Variants in LRP1B observed in about 807,000 individuals in gnomAD.
LRP1B encodes the protein low-density lipoprotein receptor-related protein 1B.
LRP1B carries 217 observed loss-of-function variants against 556.6 expected under a neutral mutation model. The ratio of observed to expected loss-of-function variants is 0.39; its 90% CI spans 0.35 to 0.44. The LOEUF is 0.44. Among genes scored for constraint, LRP1B ranks in the 20% least tolerant of loss-of-function variants. The pLI is 1.00. For missense variants in LRP1B, 5,053 were observed against 5,620.8 expected (o/e 0.90, Z 3.23); for synonymous variants, 2,047 against 1,865.8 (o/e 1.10, Z -2.50).
chr2:142,000,524 A>C (rs1702622888), intron 1 of LRP1B, among the ~76,000 whole-genome samples: 1 of 152,218 alleles, frequency 6.6e-6, no homozygotes, highest in Non-Finnish European at 1.5e-5. Flanking sequence ...TGAAATCAGC[A>C]TACTAAGAAT....
intron 3 of LRP1B, among the ~76,000 whole-genome samples, chr2:141,410,459 T>A (rs1690811221): frequency 6.6e-6 from 1 of 152,024 alleles, no homozygotes; most frequent in South Asian, 2.1e-4. Flanking sequence ...ATCAACAAAT[T>A]GAATAAAATA....
intron 17 of LRP1B, among the ~76,000 whole-genome samples, chr2:140,987,655 A>G (rs1696964930): frequency 6.6e-6 from 1 of 152,102 alleles, no homozygotes. Context: ...AGGATGTTAT[A>G]AAGCATAATC....
intron 3 of LRP1B, among the ~76,000 whole-genome samples, chr2:141,367,583 C>T (rs1689089992): frequency 6.8e-6 from 1 of 146,038 alleles, no homozygotes; most frequent in African/African-American, 2.5e-5. Flanking sequence ...CCCCAGTTCT[C>T]ACCATTCTCC....
chr2:142,126,533 T>C (rs1440958230), intron 1 of LRP1B, among the ~76,000 whole-genome samples: 1 of 151,882 alleles, frequency 6.6e-6, no homozygotes, highest in Admixed American at 6.6e-5. Context: ...CACAGGCATG[T>C]TTAACTTTTA....
intron 86 of LRP1B, among the ~76,000 whole-genome samples, chr2:140,247,616 A>T (rs1350945250): frequency 6.6e-6 from 1 of 151,590 alleles, no homozygotes; most frequent in Non-Finnish European, 1.5e-5. Context: ...TCTGTCTTAT[A>T]GTTCAAGCTG....
intron 3 of LRP1B, among the ~76,000 whole-genome samples, chr2:141,267,659 A>G (rs300399): frequency 0.17 from 25,760 of 152,158 alleles, 2,338 homozygotes; most frequent in South Asian, 0.28. Context: ...GCGTGAGGAA[A>G]AAATGCAACC....
intron 6 of LRP1B, among the ~76,000 whole-genome samples, chr2:141,212,789 GA>G (rs925990740): frequency 6.6e-6 from 1 of 152,072 alleles, no homozygotes; most frequent in African/African-American, 2.4e-5. Flanking sequence ...TGTAGTACAG[GA>G]AGTCATCATT....
chr2:142,090,349 G>A (rs1335309730), intron 1 of LRP1B, among the ~76,000 whole-genome samples: 1 of 152,012 alleles, frequency 6.6e-6, no homozygotes, highest in African/African-American at 2.4e-5. Context: ...TAACAACCTT[G>A]TAATTTAGCT....
At chr2:140,575,529 C>T (rs1558978005) in intron 43 of LRP1B, among the ~76,000 whole-genome samples, 1 of 152,020 alleles carries the variant, frequency 6.6e-6, no homozygotes, top group Non-Finnish European at 1.5e-5. Context: ...ACTTTTAGTT[C>T]TACATATTTC....
At chr2:140,297,675 T>G (rs1683663307) in intron 84 of LRP1B, 133 bp downstream of exon 84, 1 of 925,894 alleles carries the variant, frequency 1.1e-6, no homozygotes. Context: ...GGGTAAATAA[T>G]TGTTGGAGTG....
intron 15 of LRP1B, among the ~76,000 whole-genome samples, chr2:140,998,396 G>T (rs1573965718): frequency 2.0e-5 from 3 of 152,056 alleles, no homozygotes; most frequent in African/African-American, 7.2e-5. Flanking sequence ...TACTTTTTGG[G>T]ATTGTTCATG....
At chr2:141,351,496 C>T (rs1341126741) in intron 3 of LRP1B, among the ~76,000 whole-genome samples, 1 of 152,000 alleles carries the variant, frequency 6.6e-6, no homozygotes, top group Admixed American at 6.6e-5. Context: ...CCTCCCCAAA[C>T]CTTAATTCAG....
intron 1 of LRP1B, among the ~76,000 whole-genome samples, chr2:142,016,179 C>T (rs887902609): frequency 6.6e-6 from 1 of 151,962 alleles, no homozygotes; most frequent in African/African-American, 2.4e-5. Context: ...AGTCAGGAAA[C>T]AGATGCTGGA....
chr2:141,075,682 G>A (rs1699768780), intron 7 of LRP1B, among the ~76,000 whole-genome samples: 1 of 152,138 alleles, frequency 6.6e-6, no homozygotes, highest in Admixed American at 6.6e-5. Flanking sequence ...GCTTGTAAGG[G>A]CATTGTTCTG....
At chr2:140,853,897 C>A (rs1001551926) in intron 27 of LRP1B, among the ~76,000 whole-genome samples, 1 of 151,606 alleles carries the variant, frequency 6.6e-6, no homozygotes, top group Non-Finnish European at 1.5e-5. Context: ...CCTAAGGAAT[C>A]GCAAGTTAGA....
chr2:140,271,593 T>A (rs1382550964), intron 85 of LRP1B, among the ~76,000 whole-genome samples: 1 of 151,974 alleles, frequency 6.6e-6, no homozygotes, highest in Non-Finnish European at 1.5e-5. Context: ...AATTTGAAGA[T>A]GTTTCTGAAA....
chr2:141,575,342 C>A (rs67841921), intron 2 of LRP1B, among the ~76,000 whole-genome samples: 17,059 of 152,056 alleles, frequency 0.11, 1,437 homozygotes, highest in African/African-American at 0.23. Flanking sequence ...ACAAACCCGA[C>A]AAAAACAAAC....
Position 142,067,815 on chromosome 2 carries a change from T to C in LRP1B, c.82+62833A>G, listed in dbSNP as rs578019054. On this transcript the variant is annotated intron_variant, in intron 1 of 90. Coordinates refer to ENST00000389484, the MANE Select transcript of LRP1B (RefSeq NM_018557.3). ...CTCTTATGAGCATATAGAGCAAAAA[T>C]GTTGCTGTGGCTACTTTAAACATAA... Among the ~76,000 whole-genome samples the C allele has an allele frequency of 1.3e-4, 20 of 151,720 alleles. 1 individual carries two copies. The South Asian group carries it at 1.5e-3, about 11-fold the overall frequency.
chr2:140,686,981 G>C (rs191741562), intron 41 of LRP1B, among the ~76,000 whole-genome samples: 2 of 152,228 alleles, frequency 1.3e-5, no homozygotes, highest in Admixed American at 1.3e-4. Flanking sequence ...TGTGAGAAAT[G>C]CAGAATAATG....
Sources: allele counts gnomAD v4.1 joint callset (sites outside exome capture counted in the v4.1 genomes callset), GRCh38; gene constraint gnomAD v4.1.1; transcripts MANE v1.5; gene names NCBI Gene and HGNC (gene_info 2026-07-23, HGNC 2026-07-21).